The following MATCAP2 variants were observed in gnomAD, a reference collection of about 807,000 sequenced individuals.
MATCAP2 encodes putative tyrosine carboxypeptidase MATCAP2.
the MATCAP2 span, among the ~76,000 whole-genome samples, chr7:36,352,365 C>CA: frequency 6.8e-6 from 1 of 147,868 alleles, no homozygotes; most frequent in Non-Finnish European, 1.5e-5. Flanking sequence ...CCACTGTACT[C>CA]CAGCCTGGGT....
chr7:36,328,312 A>G, the MATCAP2 span, among the ~76,000 whole-genome samples: 226 of 139,628 alleles, frequency 1.6e-3, 2 homozygotes, highest in South Asian at 4.2e-3. Context: ...TCTCGCCTCC[A>G]CCTCCCAAAG....
chr7:36,332,129 AC>A, the MATCAP2 span, among the ~76,000 whole-genome samples: 2 of 152,142 alleles, frequency 1.3e-5, no homozygotes, highest in Non-Finnish European at 2.9e-5. Flanking sequence ...CATGAAAAAC[AC>A]AGAAGTATGT....
At chr7:36,353,009 C>T in the MATCAP2 span, among the ~76,000 whole-genome samples, 1 of 151,592 alleles carries the variant, frequency 6.6e-6, no homozygotes, top group Admixed American at 6.6e-5. Context: ...GCGCAGTGGC[C>T]CATACCTGTA....
At chr7:36,378,441 TATTGC>T in the MATCAP2 span, among the ~76,000 whole-genome samples, 1 of 152,168 alleles carries the variant, frequency 6.6e-6, no homozygotes, top group African/African-American at 2.4e-5. Flanking sequence ...GAACAGCAAA[TATTGC>T]TGCCTGATCC....
chr7:36,388,135 A>T, the MATCAP2 span, among the ~76,000 whole-genome samples: 1 of 152,216 alleles, frequency 6.6e-6, no homozygotes, highest in Non-Finnish European at 1.5e-5. Flanking sequence ...TGTTACACAG[A>T]TAAGTAAACT....
chr7:36,366,818 G>C, the MATCAP2 span: 1 of 1,521,928 alleles, frequency 6.6e-7, no homozygotes, highest in Non-Finnish European at 8.8e-7. Flanking sequence ...AGTCCCGAGC[G>C]GCGCGCCCAG....
At chr7:36,351,931 G>C in the MATCAP2 span, among the ~76,000 whole-genome samples, 1 of 115,022 alleles carries the variant, frequency 8.7e-6, no homozygotes, top group African/African-American at 3.3e-5. Flanking sequence ...GGGTGACAAA[G>C]GGAGATTGTT....
chr7:36,384,861 AAAG>A, the MATCAP2 span, among the ~76,000 whole-genome samples: 8 of 151,786 alleles, frequency 5.3e-5, no homozygotes, highest in Admixed American at 1.3e-4. Flanking sequence ...AGCATAGTGA[AAAG>A]AAAAAAAAAA....
At chr7:36,374,029 C>T in the MATCAP2 span, among the ~76,000 whole-genome samples, 1 of 152,138 alleles carries the variant, frequency 6.6e-6, no homozygotes, top group South Asian at 2.1e-4. Flanking sequence ...GCCTCAGCCT[C>T]CCAAAGTACT....
the MATCAP2 span, among the ~76,000 whole-genome samples, chr7:36,342,893 T>C: frequency 6.6e-6 from 1 of 152,188 alleles, no homozygotes; most frequent in Non-Finnish European, 1.5e-5. Context: ...CCCAAAGTGT[T>C]AGAATTATAG....
the MATCAP2 span, chr7:36,334,022 G>GAGGGCTTTTT: frequency 6.2e-7 from 1 of 1,614,110 alleles, no homozygotes; most frequent in East Asian, 2.2e-5. Context: ...ATAAAAAAGG[G>GAGGGCTTTTT]TCTTTTCTAA....
At chr7:36,364,341 C>T in the MATCAP2 span, among the ~76,000 whole-genome samples, 4 of 152,070 alleles carry the variant, frequency 2.6e-5, no homozygotes, top group African/African-American at 7.2e-5. Context: ...GCCTGCTCTC[C>T]GCCTCACAAA....
At chr7:36,374,785 G>A in the MATCAP2 span, among the ~76,000 whole-genome samples, 1 of 152,212 alleles carries the variant, frequency 6.6e-6, no homozygotes, top group African/African-American at 2.4e-5. Flanking sequence ...GAGAACATGC[G>A]GTGTTTGGTT....
chr7:36,347,360 G>A, the MATCAP2 span, among the ~76,000 whole-genome samples: 1 of 152,102 alleles, frequency 6.6e-6, no homozygotes, highest in African/African-American at 2.4e-5. Flanking sequence ...TCAATCATGT[G>A]CTAAAAAACT....
At chr7:36,365,464 C>T in the MATCAP2 span, among the ~76,000 whole-genome samples, 1 of 152,164 alleles carries the variant, frequency 6.6e-6, no homozygotes, top group Admixed American at 6.5e-5. Flanking sequence ...CTTTGGGAGG[C>T]GGAGGTGTGA....
the MATCAP2 span, chr7:36,366,947 C>A: frequency 2.9e-6 from 4 of 1,364,248 alleles, no homozygotes; most frequent in Admixed American, 3.8e-5. Flanking sequence ...GCATCGTCGC[C>A]CCGAGGCCCG....
At chr7:36,332,013 ACC>A in the MATCAP2 span, among the ~76,000 whole-genome samples, 1 of 152,238 alleles carries the variant, frequency 6.6e-6, no homozygotes, top group Non-Finnish European at 1.5e-5. Flanking sequence ...GAATAGACGA[ACC>A]ACAGTTAGAA....
At chr7:36,390,283 C>T in the MATCAP2 span, 3 of 607,066 alleles carry the variant, frequency 4.9e-6, no homozygotes, top group African/African-American at 3.7e-5. Context: ...TGAGTCTGTC[C>T]TAAAAGGCTG....
the MATCAP2 span, among the ~76,000 whole-genome samples, chr7:36,379,843 CACACAG>C: frequency 2.2e-3 from 276 of 127,426 alleles, no homozygotes; most frequent in Non-Finnish European, 3.6e-3. Flanking sequence ...CACACACACA[CACACAG>C]AGAGAGAGAG....
Sources: gnomAD v4.1 joint callset for allele counts (sites outside exome capture counted in the v4.1 genomes callset) on GRCh38, gnomAD v4.1.1 for gene constraint, MANE v1.5 for transcripts, NCBI Gene and HGNC (gene_info 2026-07-23, HGNC 2026-07-21) for gene names.